Variants in TTC12 observed in about 807,000 individuals in gnomAD.
The protein encoded by TTC12 is tetratricopeptide repeat protein 12.
In TTC12, 70 loss-of-function variants were observed where a neutral mutation model predicts 90.1. The ratio of observed to expected loss-of-function variants is 0.78; its 90% CI spans 0.64 to 0.95. The LOEUF is 0.95. Among genes scored for constraint, TTC12 ranks in the 40% least tolerant of loss-of-function variants. TTC12 has a pLI of 0.00. For missense variants in TTC12, 819 were observed against 846.1 expected (o/e 0.97, Z 0.40); for synonymous variants, 296 against 311.5 (o/e 0.95, Z 0.53).
intron 7 of TTC12, 118 bp from the exon 8 acceptor site, chr11:113,334,848 C>G: frequency 1.3e-6 from 1 of 753,466 alleles, no homozygotes; most frequent in Non-Finnish European, 2.2e-6. Context: ...TTTGTCAACT[C>G]TGGTAGTTGC....
chr11:113,340,271 T>C (rs1334565382), intron 10 of TTC12, among the ~76,000 whole-genome samples: 4 of 152,234 alleles, frequency 2.6e-5, no homozygotes, highest in Non-Finnish European at 5.9e-5. Flanking sequence ...TCTTGGAGAT[T>C]ATAAATTCCT....
At chr11:113,365,426 CTCTT>C (rs756331289) in intron 21 of TTC12, 8 of 240,676 alleles carry the variant, frequency 3.3e-5, no homozygotes, top group Non-Finnish European at 6.7e-5. Flanking sequence ...CCTCTTTTCT[CTCTT>C]CTCCACTTTT....
chr11:113,357,801 T>A (rs1027764397), intron 16 of TTC12, among the ~76,000 whole-genome samples: 1 of 152,208 alleles, frequency 6.6e-6, no homozygotes, highest in East Asian at 1.9e-4. Flanking sequence ...GAATACACTT[T>A]ACTGGGGGAG....
intron 16 of TTC12, 54 bp downstream of exon 16, chr11:113,352,261 C>T (rs531163571): frequency 9.9e-6 from 16 of 1,610,184 alleles, no homozygotes; most frequent in African/African-American, 4.0e-5. Context: ...GGGGCATTAG[C>T]GTCTTCTTAG....
chr11:113,358,802 A>G (rs1244393103), intron 16 of TTC12, among the ~76,000 whole-genome samples: 2 of 152,166 alleles, frequency 1.3e-5, no homozygotes, highest in African/African-American at 4.8e-5. Context: ...CCAGAGGCCT[A>G]TGATGAGATC....
At chr11:113,349,004 G>T (rs976180042) in intron 13 of TTC12, among the ~76,000 whole-genome samples, 5 of 152,218 alleles carry the variant, frequency 3.3e-5, no homozygotes, top group Non-Finnish European at 5.9e-5. Flanking sequence ...ACCCATCCCT[G>T]TGGGCCCGAC....
At chr11:113,333,212 G>T (rs980318742) in intron 7 of TTC12, among the ~76,000 whole-genome samples, 2 of 151,850 alleles carry the variant, frequency 1.3e-5, no homozygotes, top group Non-Finnish European at 2.9e-5. Flanking sequence ...CTCAAGATGG[G>T]GTCTGCTCTC....
chr11:113,317,719 A>G (rs1205772032), intron 2 of TTC12, among the ~76,000 whole-genome samples: 1 of 152,114 alleles, frequency 6.6e-6, no homozygotes, highest in African/African-American at 2.4e-5. Flanking sequence ...TTGAGCAGCA[A>G]TAAACTGCTG....
chr11:113,339,712 C>T lies in TTC12; in HGVS notation c.826+238C>T, dbSNP rs114264794. Among the ~76,000 whole-genome samples, 494 of 152,326 alleles carry T rather than the reference C, an allele frequency of 3.2e-3. 4 individuals carry two copies. Among genetic ancestry groups the T allele is most frequent in the African/African-American group, 0.011 (464 of 41,576 alleles). ...TGCAATAAACATACACAACACAACA[C>T]GTACACGTGGCACACACTCGATATA... On this transcript the variant is annotated intron_variant, in intron 10 of 21. Coordinates refer to ENST00000529221, the MANE Select transcript of TTC12 (RefSeq NM_017868.4).
At chr11:113,323,542 CTG>C (rs1555139624) in intron 3 of TTC12, 91 bp downstream of exon 3, 2 of 800,594 alleles carry the variant, frequency 2.5e-6, no homozygotes, top group African/African-American at 1.8e-5. Context: ...TCCAGCAAGG[CTG>C]AAATGGTCTT....
chr11:113,353,501 G>A (rs1256194932), intron 16 of TTC12, among the ~76,000 whole-genome samples: 6 of 152,066 alleles, frequency 3.9e-5, no homozygotes, highest in South Asian at 4.1e-4. Context: ...CTTTGGTTGC[G>A]ATTGCTTTTG....
chr11:113,338,981 A>G (rs2137986973), intron 9 of TTC12, 147 bp downstream of exon 9: 1 of 718,710 alleles, frequency 1.4e-6, no homozygotes, highest in Non-Finnish European at 2.4e-6. Context: ...TGTGTTAACC[A>G]GCCCACTCTG....
At chr11:113,328,562 T>A (rs1947834958) in intron 6 of TTC12, among the ~76,000 whole-genome samples, 1 of 152,176 alleles carries the variant, frequency 6.6e-6, no homozygotes, top group Non-Finnish European at 1.5e-5. Context: ...TTTCATTTTT[T>A]TTTTCTGCTG....
At chr11:113,334,751 T>C (rs1346322549) in intron 7 of TTC12, among the ~76,000 whole-genome samples, 1 of 152,104 alleles carries the variant, frequency 6.6e-6, no homozygotes, top group African/African-American at 2.4e-5. Flanking sequence ...CTGGCAGGTA[T>C]CATTAATTAA....
intron 13 of TTC12, among the ~76,000 whole-genome samples, chr11:113,349,236 G>T (rs1356622366): frequency 6.6e-6 from 1 of 152,142 alleles, no homozygotes; most frequent in African/African-American, 2.4e-5. Flanking sequence ...TGAGACTCTG[G>T]TCCCCTCAAC....
intron 7 of TTC12, 115 bp downstream of exon 7, chr11:113,330,094 C>T: frequency 1.2e-6 from 1 of 815,580 alleles, no homozygotes; most frequent in Non-Finnish European, 2.1e-6. Context: ...GCTTCAGTTT[C>T]CTCATCTGTA....
chr11:113,348,466 G>T (rs563760797), intron 13 of TTC12, among the ~76,000 whole-genome samples: 1 of 152,112 alleles, frequency 6.6e-6, no homozygotes, highest in African/African-American at 2.4e-5. Flanking sequence ...TGCTGCCTCA[G>T]TCTGGTCCCT....
In TTC12 at chr11:113,359,922, C is replaced by T. The variant is rs1555154078; in HGVS notation, c.1546-18C>T. ...CAGAAAATTAAAATCTCCTGCTGGC[C>T]TCTCCCCATTGTTGTAGGTTTGGGC... On this transcript the variant is annotated intron_variant, in intron 17 of 21. Transcript: ENST00000529221. The T allele has an allele frequency of 6.3e-7, 1 of 1,579,568 alleles. No individual in the cohort carries two copies. Among genetic ancestry groups the T allele is most frequent in the Non-Finnish European group, 8.6e-7 (1 of 1,161,864 alleles).
At chr11:113,350,501 C>T (rs1949214083) in intron 14 of TTC12, among the ~76,000 whole-genome samples, 1 of 152,202 alleles carries the variant, frequency 6.6e-6, no homozygotes, top group African/African-American at 2.4e-5. Context: ...AGCAAATTTG[C>T]GTTGAATGAA....
Sources: gnomAD v4.1 joint callset for allele counts (sites outside exome capture counted in the v4.1 genomes callset) on GRCh38, gnomAD v4.1.1 for gene constraint, MANE v1.5 for transcripts, NCBI Gene and HGNC (gene_info 2026-07-23, HGNC 2026-07-21) for gene names.